NHSL1: variants seen among roughly 807,000 people sequenced by gnomAD.
NHSL1 encodes NHS like 1.
A neutral mutation model predicts 95.0 loss-of-function variants in NHSL1; 48 were observed. The ratio of observed to expected loss-of-function variants is 0.51; its 90% CI spans 0.40 to 0.64. The LOEUF (loss-of-function observed/expected upper bound fraction) is 0.64, where lower values mean the gene tolerates loss of function less well. NHSL1 is among the 30% of genes least tolerant of loss of function. The pLI is 0.00. For synonymous variants in NHSL1, 783 were observed against 833.9 expected (o/e 0.94, Z 1.05); for missense variants, 1,971 against 2,077.7 (o/e 0.95, Z 1.00).
At chr6:138,529,056 T>C (rs1382358558) in intron 1 of NHSL1, among the ~76,000 whole-genome samples, 2 of 152,208 alleles carry the variant, frequency 1.3e-5, no homozygotes, top group African/African-American at 4.8e-5. Flanking sequence ...CTTGAATTTA[T>C]TATTGTTAAC....
intron 2 of NHSL1, among the ~76,000 whole-genome samples, chr6:138,489,824 G>A (rs1165321505): frequency 2.0e-5 from 2 of 98,156 alleles, no homozygotes; most frequent in South Asian, 6.5e-4. Context: ...GAGGGAGAGA[G>A]GGAGAGAGAG....
At chr6:138,503,454 G>A (rs9376348), upstream of NHSL1, among the ~76,000 whole-genome samples, 43,863 of 152,064 alleles carry the variant, frequency 0.29, 6,720 homozygotes, top group Middle Eastern at 0.55. Flanking sequence ...AGTAAAAGAA[G>A]AAGACTATTT....
intron 1 of NHSL1, among the ~76,000 whole-genome samples, chr6:138,526,662 T>C (rs993523861): frequency 6.6e-6 from 1 of 152,236 alleles, no homozygotes; most frequent in East Asian, 1.9e-4. Context: ...TCAATGTTTC[T>C]TTATACTTTA....
chr6:138,443,614 C>G (rs1776671634), intron 4 of NHSL1, among the ~76,000 whole-genome samples: 2 of 152,176 alleles, frequency 1.3e-5, no homozygotes. Flanking sequence ...ATCACTTGAA[C>G]TCAGGCGTTC....
intron 1 of NHSL1, among the ~76,000 whole-genome samples, chr6:138,590,827 A>C (rs1353834534): frequency 6.6e-6 from 1 of 152,222 alleles, no homozygotes; most frequent in Non-Finnish European, 1.5e-5. Context: ...TCCTTAAGAA[A>C]AAATTTAACT....
At chr6:138,531,276 A>T (rs965523569) in intron 1 of NHSL1, among the ~76,000 whole-genome samples, 7 of 152,206 alleles carry the variant, frequency 4.6e-5, no homozygotes, top group Non-Finnish European at 2.9e-5. Flanking sequence ...CCAGGTAATA[A>T]ACAGCATCAC....
At chr6:138,467,443 C>T (rs973904634) in intron 3 of NHSL1, among the ~76,000 whole-genome samples, 6 of 152,218 alleles carry the variant, frequency 3.9e-5, no homozygotes, top group South Asian at 2.1e-4. Flanking sequence ...TAAGCCACCA[C>T]GCCCGGCCAG....
intron 1 of NHSL1, chr6:138,651,123 A>G (rs1351237476): frequency 1.5e-5 from 5 of 336,986 alleles, no homozygotes; most frequent in Non-Finnish European, 2.9e-5. Flanking sequence ...ACTTAATGTA[A>G]TATCTAATAT....
intron 1 of NHSL1, among the ~76,000 whole-genome samples, chr6:138,690,755 C>T (rs974383435): frequency 6.6e-6 from 1 of 152,138 alleles, no homozygotes; most frequent in Non-Finnish European, 1.5e-5. Flanking sequence ...AAGATTCAAA[C>T]AAACTTGTGA....
Position 138,499,341 on chromosome 6 carries a change from A to T in NHSL1, c.-51T>A. The T allele has an allele frequency of 1.3e-6, 2 of 1,544,692 alleles. No individual in the cohort carries two copies. Among genetic ancestry groups the T allele is most frequent in the East Asian group, 2.5e-5 (1 of 40,792 alleles). On this transcript the variant is annotated 5_prime_UTR_variant, in exon 1 of 8. The change abolishes the stop of an existing upstream ORF in the 5' untranslated region. Transcript: ENST00000343505. ...GAAATGTAAATCACATTAAAAGCTC[A>T]GCCCAGTAGGCAGGTGGCAAGCTTC...
intron 2 of NHSL1, among the ~76,000 whole-genome samples, chr6:138,489,442 T>C (rs902729587): frequency 3.3e-5 from 5 of 152,144 alleles, no homozygotes; most frequent in African/African-American, 9.7e-5. Context: ...TGACTCAAAG[T>C]ACTTCACATG....
intron 2 of NHSL1, among the ~76,000 whole-genome samples, chr6:138,473,697 C>A (rs1224691501): frequency 6.6e-6 from 1 of 151,958 alleles, no homozygotes; most frequent in Non-Finnish European, 1.5e-5. Context: ...GAGGTAGACA[C>A]CATCATTAAT....
chr6:138,691,249 C>G (rs7770253), intron 1 of NHSL1, among the ~76,000 whole-genome samples: 92,419 of 152,056 alleles, frequency 0.61, 30,132 homozygotes, highest in East Asian at 0.91. Context: ...TGGAGGGGGA[C>G]GCTCTCCCAG....
chr6:138,590,945 G>A (rs373699627), intron 1 of NHSL1, among the ~76,000 whole-genome samples: 1 of 152,194 alleles, frequency 6.6e-6, no homozygotes, highest in Non-Finnish European at 1.5e-5. Context: ...GAGGCAAATA[G>A]CACAAATATT....
In NHSL1 at chr6:138,433,149, G is replaced by A. The variant is rs905977185; in HGVS notation, c.1196C>T (p.Ala399Val). ...GGTTGCATGAGGAGAAACCACACAC[G>A]CTGGGCTCATTATATTTTCACTCTC... ...HFESENIMSPACVVSPHATYS... is the reference protein window; with the variant it reads ...HFESENIMSPVCVVSPHATYS... Residue 399 changes from alanine (A) to valine (V), a missense_variant, in exon 6 of 8, where the codon GCG (alanine) becomes GTG (valine). Transcript: ENST00000343505. 1.1e-5 allele frequency: 17 copies of A among 1,550,894 alleles called. No homozygotes were observed. The highest frequency in any genetic ancestry group is 9.8e-5 in the East Asian group (4 of 40,912).
chr6:138,684,360 G>A (rs1268132953), intron 1 of NHSL1, among the ~76,000 whole-genome samples: 1 of 152,074 alleles, frequency 6.6e-6, no homozygotes, highest in East Asian at 1.9e-4. Flanking sequence ...AAAAAAAGGG[G>A]GAGGCCTGTG....
intron 1 of NHSL1, chr6:138,571,668 C>T (rs932615744): frequency 2.9e-5 from 45 of 1,535,646 alleles, no homozygotes; most frequent in Non-Finnish European, 3.9e-5. Context: ...TTCTACATAA[C>T]AAACTTTTTC....
Position 138,431,440 on chromosome 6 carries a change from G to C in NHSL1, c.2905C>G (p.Pro969Ala). 3.9e-6 allele frequency: 6 copies of C among 1,550,998 alleles called. No homozygotes were observed. The highest frequency in any genetic ancestry group is 5.2e-6 in the Non-Finnish European group (6 of 1,146,920). The change falls in exon 6 of 8, where the codon CCT becomes GCT. Residue 969 changes from proline (P) to alanine (A), a missense_variant. Pro to Ala is a conservative substitution (Grantham distance 27). This residue lies in a region of NHSL1 where 1,602 missense variants were observed against 1,654.5 expected (regional missense o/e 0.97). Transcript: ENST00000343505. The surrounding 1 kb of genome is among the most constrained non-coding windows in gnomAD (Gnocchi z 4.0). ...TCTGGCGGCGGAGGGGGGAACACAG[G>C]AGAGTGAGGCAGAGGAGAGCCCTGG... ...CSQGSPLPHS[P>A]VFPPPPPEAL...
intron 1 of NHSL1, among the ~76,000 whole-genome samples, chr6:138,666,755 T>C (rs1785300866): frequency 6.6e-6 from 1 of 152,168 alleles, no homozygotes; most frequent in African/African-American, 2.4e-5. Flanking sequence ...TATATTGATA[T>C]ACAGGAGGGG....
Sources: gnomAD v4.1 joint callset for allele counts (sites outside exome capture counted in the v4.1 genomes callset) on GRCh38, gnomAD v4.1.1 for gene constraint, gnomAD v4.1.1 regional missense constraint, Gnocchi (gnomAD v3.1) non-coding constraint, MANE v1.5 for transcripts, NCBI Gene and HGNC (gene_info 2026-07-23, HGNC 2026-07-21) for gene names.